The following DOCK3 variants were observed in gnomAD, a reference collection of about 807,000 sequenced individuals.
The protein encoded by DOCK3 is dedicator of cytokinesis 3.
A neutral mutation model predicts 265.6 loss-of-function variants in DOCK3; 60 were observed. The ratio of observed to expected loss-of-function variants is 0.23; its 90% CI spans 0.18 to 0.28. DOCK3 has a LOEUF of 0.28. Ranked by LOEUF, DOCK3 falls within the 10% of genes least tolerant of loss-of-function variation. DOCK3 has a pLI of 1.00. For missense variants in DOCK3, 1,981 were observed against 2,594.3 expected, an observed-to-expected ratio of 0.76 and a Z score of 5.14; for synonymous variants, 881 against 938.0, an observed-to-expected ratio of 0.94 and a Z score of 1.11.
chr3:51,289,187 A>G (rs910762075), intron 27 of DOCK3, among the ~76,000 whole-genome samples: 7 of 152,322 alleles, frequency 4.6e-5, no homozygotes, highest in African/African-American at 1.7e-4. Flanking sequence ...AAACTAATGC[A>G]GGAACAGCAA....
At chr3:51,205,766 G>A (rs552995422) in intron 12 of DOCK3, among the ~76,000 whole-genome samples, 1 of 152,294 alleles carries the variant, frequency 6.6e-6, no homozygotes, top group African/African-American at 2.4e-5. Context: ...TTGAAAGCAA[G>A]TGCTGTATTA....
intron 3 of DOCK3, among the ~76,000 whole-genome samples, chr3:50,868,220 C>T (rs551598430): frequency 6.6e-6 from 1 of 152,116 alleles, no homozygotes; most frequent in South Asian, 2.1e-4. Context: ...ATTACAGGCA[C>T]GTGCCACCAC....
intron 5 of DOCK3, among the ~76,000 whole-genome samples, chr3:51,053,756 C>T (rs1010039366): frequency 6.6e-6 from 1 of 152,068 alleles, no homozygotes. Flanking sequence ...TTAGTTGTTA[C>T]TATGCCTGTG....
intron 30 of DOCK3, 52 bp from the exon 31 acceptor site, chr3:51,312,792 T>TGAGGGAAG: frequency 6.4e-7 from 1 of 1,562,926 alleles, no homozygotes; most frequent in East Asian, 2.3e-5. Context: ...TGCAGCCCTA[T>TGAGGGAAG]CCTCCTGAAC....
At position 50,876,351 on chromosome 3, in the gene DOCK3, T is replaced by A. The variant is rs1386335884; in HGVS notation, c.163-13675T>A. 2.6e-5 allele frequency among the ~76,000 whole-genome samples: 4 copies of A among 152,058 alleles called. No homozygotes were observed. In the South Asian group the frequency reaches 8.3e-4, roughly 31 times the overall value. ...TGCCTAATAAAGGAAAAATACAAAATGATTATTAAAGAAAAATATATGAAC... is the reference window on the plus strand; with the variant it reads ...TGCCTAATAAAGGAAAAATACAAAAAGATTATTAAAGAAAAATATATGAAC... On this transcript the variant is annotated intron_variant, in intron 3 of 52. Coordinates refer to ENST00000266037, the MANE Select transcript of DOCK3 (RefSeq NM_004947.5).
chr3:51,327,340 A>G (rs753963505), intron 32 of DOCK3, among the ~76,000 whole-genome samples: 3 of 152,316 alleles, frequency 2.0e-5, no homozygotes, highest in African/African-American at 4.8e-5. Flanking sequence ...CACCATTCCT[A>G]TTTCACAAAT....
chr3:51,176,768 A>G (rs974809286), intron 12 of DOCK3, among the ~76,000 whole-genome samples: 1 of 152,204 alleles, frequency 6.6e-6, no homozygotes, highest in African/African-American at 2.4e-5. Flanking sequence ...GAGAACCCCT[A>G]TGAACTAGTG....
At chr3:51,107,434 A>G (rs1365421098) in intron 9 of DOCK3, among the ~76,000 whole-genome samples, 2 of 152,220 alleles carry the variant, frequency 1.3e-5, no homozygotes, top group Non-Finnish European at 2.9e-5. Flanking sequence ...AAGAACGTTG[A>G]AACACAATCT....
At chr3:51,280,250 A>T in intron 27 of DOCK3, 46 bp downstream of exon 27, 1 of 1,561,246 alleles carries the variant, frequency 6.4e-7, no homozygotes, top group Non-Finnish European at 8.8e-7. Context: ...GTGTGCAGCC[A>T]GCACTCCCCA....
At chr3:50,896,744 G>C (rs1185876382) in intron 4 of DOCK3, among the ~76,000 whole-genome samples, 1 of 152,138 alleles carries the variant, frequency 6.6e-6, no homozygotes, top group African/African-American at 2.4e-5. Flanking sequence ...TATTAAGTAG[G>C]CAATCATTTC....
chr3:51,376,308 A>G (rs894434872), intron 51 of DOCK3, among the ~76,000 whole-genome samples: 4 of 152,194 alleles, frequency 2.6e-5, no homozygotes. Context: ...GGCTTCTCCA[A>G]GTGAAGCCCA....
At chr3:51,379,384 G>A in intron 51 of DOCK3, 4 of 984,624 alleles carry the variant, frequency 4.1e-6, no homozygotes, top group South Asian at 4.7e-5. Flanking sequence ...GCCACAAGCT[G>A]TACTTCTCCC....
intron 5 of DOCK3, among the ~76,000 whole-genome samples, chr3:51,000,548 G>A (rs1170820852): frequency 6.6e-6 from 1 of 152,168 alleles, no homozygotes; most frequent in Non-Finnish European, 1.5e-5. Flanking sequence ...TCTTGGTTTA[G>A]CATTTGCTTG....
intron 5 of DOCK3, among the ~76,000 whole-genome samples, chr3:50,945,266 C>T (rs140674027): frequency 6.6e-4 from 101 of 152,078 alleles, no homozygotes; most frequent in African/African-American, 2.4e-3. Flanking sequence ...TTTTTGCTTT[C>T]CTATTAAAAA....
chr3:51,361,169 G>A lies in DOCK3; in HGVS notation c.5006+537G>A, dbSNP rs1051626793. Among the ~76,000 whole-genome samples, 18 of 152,188 alleles carry A rather than the reference G, an allele frequency of 1.2e-4. No homozygotes were observed. The highest frequency in any genetic ancestry group is 3.9e-4 in the African/African-American group (16 of 41,424). On this transcript the variant is annotated intron_variant, in intron 47 of 52. Transcript: ENST00000266037. This position sits in a 1 kb window ranked among gnomAD's most constrained non-coding sequence, Gnocchi z 4.2. Reference sequence around the variant, plus strand: ...GAACATCAAAGACTGGTTTGCCTGGGCTCAACTGAGAATACTGAAAGCCTC... The same window carrying A: ...GAACATCAAAGACTGGTTTGCCTGGACTCAACTGAGAATACTGAAAGCCTC...
chr3:51,221,872 ACT>A (rs1252316385), intron 14 of DOCK3, among the ~76,000 whole-genome samples: 5 of 151,848 alleles, frequency 3.3e-5, no homozygotes, highest in African/African-American at 4.8e-5. Flanking sequence ...TGTAGAAAAG[ACT>A]CACCCTCTCA....
chr3:51,348,235 G>A, intron 38 of DOCK3, among the ~76,000 whole-genome samples: 1 of 152,186 alleles, frequency 6.6e-6, no homozygotes, highest in East Asian at 1.9e-4. Context: ...AGAAAGCCTG[G>A]AATCTAACTA....
chr3:50,911,082 C>T (rs188788057), intron 4 of DOCK3, among the ~76,000 whole-genome samples: 14 of 151,584 alleles, frequency 9.2e-5, no homozygotes, highest in Admixed American at 2.6e-4. Flanking sequence ...ATGAATAGTT[C>T]GCAAATATTT....
At chr3:51,261,857 T>A (rs942098690) in intron 23 of DOCK3, among the ~76,000 whole-genome samples, 3 of 152,100 alleles carry the variant, frequency 2.0e-5, no homozygotes, top group Non-Finnish European at 4.4e-5. Context: ...CCAGACTGCC[T>A]CTCTAGATTC....
Sources: allele counts gnomAD v4.1 joint callset (sites outside exome capture counted in the v4.1 genomes callset), GRCh38; gene constraint gnomAD v4.1.1; non-coding constraint Gnocchi (gnomAD v3.1); transcripts MANE v1.5; gene names NCBI Gene and HGNC (gene_info 2026-07-23, HGNC 2026-07-21).